Variants in ZNF268 observed in about 807,000 individuals in gnomAD.
ZNF268 encodes zinc finger protein 3.
Under a neutral mutation model 29.3 loss-of-function variants are expected in ZNF268, and 20 were observed. That is an observed-to-expected ratio of 0.68 (90% CI 0.48 to 0.99). ZNF268 has a LOEUF of 0.99. ZNF268 is among the 50% of genes least tolerant of loss of function. The pLI is 0.00. For synonymous variants in ZNF268, 429 were observed against 376.9 expected (o/e 1.14, Z -1.60); for missense variants, 1,240 against 1,121.6 (o/e 1.11, Z -1.51).
intron 5 of ZNF268, among the ~76,000 whole-genome samples, chr12:133,198,533 C>T (rs945017808): frequency 1.3e-5 from 2 of 151,848 alleles, no homozygotes; most frequent in African/African-American, 4.8e-5. Flanking sequence ...TTTTTGGTTC[C>T]ATATGAACTT....
Position 133,207,149 on chromosome 12 carries a change from A to G in ZNF268, c.*2619A>G, listed in dbSNP as rs1202795997. 6.6e-6 allele frequency: 1 copy of G among 152,190 alleles called. No individual in the cohort carries two copies. The highest frequency in any genetic ancestry group is 6.5e-5 in the Admixed American group (1 of 15,284). The allele number at this position is 152,190 out of a possible 1,614,324, so 9.4% of individuals were successfully genotyped here. On this transcript the variant is annotated 3_prime_UTR_variant, in exon 6 of 6. Coordinates refer to ENST00000536435, the MANE Select transcript of ZNF268 (RefSeq NM_003415.3). ...GTTTGTAAATCTATCTAGTCCTTCT[A>G]CCCCAGCCCCAGAAAAGAAAGACAT...
In ZNF268 at chr12:133,209,531, G is replaced by A. The variant is rs1956950074; in HGVS notation, c.*5001G>A. The A allele has an allele frequency of 6.6e-6, 1 of 152,026 alleles. No homozygotes were observed. 9.4% of individuals were successfully genotyped at this position (152,026 alleles called of 1,614,324 possible). A position where few individuals can be genotyped will look rare whatever the true frequency, so the allele number is the denominator to read the frequency against. ...TTTCAACTACTTGTTAGAAACACAG[G>A]CCATTAAAACATTAATAAAAAGGCT... On this transcript the variant is annotated 3_prime_UTR_variant, in exon 6 of 6. Coordinates refer to ENST00000536435, the MANE Select transcript of ZNF268 (RefSeq NM_003415.3).
At chr12:133,199,247 G>C (rs951798103) in intron 5 of ZNF268, among the ~76,000 whole-genome samples, 11 of 152,108 alleles carry the variant, frequency 7.2e-5, no homozygotes, top group African/African-American at 1.2e-4. Flanking sequence ...TAGCATGAAG[G>C]GTTGTTGAAT....
chr12:133,208,587 C>G lies in ZNF268; in HGVS notation c.*4057C>G, dbSNP rs1002787606. 2.0e-5 allele frequency: 3 copies of G among 152,142 alleles called. No individual in the cohort carries two copies. Among genetic ancestry groups the G allele is most frequent in the Non-Finnish European group, 4.4e-5 (3 of 68,060 alleles). The allele number at this position is 152,142 out of a possible 1,614,324, so 9.4% of individuals were successfully genotyped here. A position where few individuals can be genotyped will look rare whatever the true frequency, so the allele number is the denominator to read the frequency against. Reference sequence around the variant, plus strand: ...GGAGGTTAGCTTGAGTCCAGTAGTTCAAGGCTACAGTGAGCTATGATCATG... The same window carrying G: ...GGAGGTTAGCTTGAGTCCAGTAGTTGAAGGCTACAGTGAGCTATGATCATG... On this transcript the variant is annotated 3_prime_UTR_variant, in exon 6 of 6. Transcript: ENST00000536435.
chr12:133,202,514 T>G lies in ZNF268; in HGVS notation c.828T>G (p.Phe276Leu). The part of the protein sequence containing the change: ...CQQMYMGEKP[F>L]GCSCCEKAFS... ...AAATGTATATGGGCGAAAAACCCTTTGGATGCAGCTGTTGTGAGAAAGCCT... is the reference window on the plus strand; with the variant it reads ...AAATGTATATGGGCGAAAAACCCTTGGGATGCAGCTGTTGTGAGAAAGCCT... Residue 276 changes from phenylalanine to leucine, a missense_variant, in exon 6 of 6, where the codon TTT (phenylalanine) becomes TTG (leucine). Phe to Leu is a conservative substitution (Grantham distance 22). Coordinates refer to ENST00000536435, the MANE Select transcript of ZNF268 (RefSeq NM_003415.3). 6.2e-7 allele frequency: 1 copy of G among 1,612,334 alleles called. No homozygotes were observed. Among genetic ancestry groups the G allele is most frequent in the Non-Finnish European group, 8.5e-7 (1 of 1,179,154 alleles).
In ZNF268 at chr12:133,202,873, CT is replaced by C; in HGVS notation, c.1191del (p.Phe397LeufsTer3). On this transcript the variant is annotated frameshift_variant, in exon 6 of 6. Transcript: ENST00000536435. LOFTEE classifies it low-confidence loss of function (END_TRUNC). ...TATGTGTGTAATGAATGTGGGAAAGCTTTTGGTTTAAAATCACAGCTCATTA... is the reference window on the plus strand; with the variant it reads ...TATGTGTGTAATGAATGTGGGAAAGCTTTGGTTTAAAATCACAGCTCATTA... ...KPYVCNECGK[A>X]FGLKSQLIIH... The C allele has an allele frequency of 6.4e-7, 1 of 1,564,044 alleles. No individual in the cohort carries two copies.
chr12:133,203,095 A>G lies in ZNF268; in HGVS notation c.1409A>G (p.Lys470Arg). The change falls in exon 6 of 6, where the codon AAG becomes AGG. Residue 470 changes from lysine (K) to arginine (R), a missense_variant. Transcript: ENST00000536435. Reference protein sequence around the residue: ...IVHQGIHTGVKPYGCIQCGKG... With the variant: ...IVHQGIHTGVRPYGCIQCGKG... ...CATCAGGGGATTCACACAGGAGTAA[A>G]GCCCTATGGGTGTATTCAGTGTGGT... 6.5e-7 allele frequency: 1 copy of G among 1,537,614 alleles called. No homozygotes were observed. Among genetic ancestry groups the G allele is most frequent in the Non-Finnish European group, 8.7e-7 (1 of 1,146,876 alleles).
At chr12:133,192,569 T>C (rs1956501994) in intron 5 of ZNF268, among the ~76,000 whole-genome samples, 1 of 152,164 alleles carries the variant, frequency 6.6e-6, no homozygotes, top group African/African-American at 2.4e-5. Context: ...TTTTGAAAAT[T>C]ACATTTAAAT....
chr12:133,204,101 A>G lies in ZNF268; in HGVS notation c.2415A>G (p.Glu805=), dbSNP rs2135525441. Residue 805 remains glutamate (E), a synonymous_variant, in exon 6 of 6, where the codon GAA becomes GAG. Coordinates refer to ENST00000536435, the MANE Select transcript of ZNF268 (RefSeq NM_003415.3). ...TACACATGAGAACTCATTCAGGTGAAAAACCATATGAATGTAATGAATGTG... is the reference window on the plus strand; with the variant it reads ...TACACATGAGAACTCATTCAGGTGAGAAACCATATGAATGTAATGAATGTG... ...LIIHMRTHSG[E]KPYECNECGK... is the part of the protein sequence containing the mutation. 1 of 1,547,138 alleles carries G rather than the reference A, an allele frequency of 6.5e-7. No homozygotes were observed. The highest frequency in any genetic ancestry group is 8.7e-7 in the Non-Finnish European group (1 of 1,148,748).
Position 133,202,877 on chromosome 12 carries a change from T to C in ZNF268, c.1191T>C (p.Phe397=). 1.3e-6 allele frequency: 2 copies of C among 1,560,688 alleles called. No individual in the cohort carries two copies. The highest frequency in any genetic ancestry group is 2.3e-5 in the East Asian group (1 of 42,790). The change falls in exon 6 of 6, where the codon TTT becomes TTC. Residue 397 remains phenylalanine (F), a synonymous_variant. Coordinates refer to ENST00000536435, the MANE Select transcript of ZNF268 (RefSeq NM_003415.3). The stretch of plus-strand genomic sequence containing the variant: ...TGTGTAATGAATGTGGGAAAGCTTT[T>C]GGTTTAAAATCACAGCTCATTATAC... ...PYVCNECGKA[F]GLKSQLIIHE...
chr12:133,183,542 A>G (rs1336664309), intron 2 of ZNF268, among the ~76,000 whole-genome samples: 2 of 151,624 alleles, frequency 1.3e-5, no homozygotes, highest in African/African-American at 2.4e-5. Context: ...AGAAGAAATT[A>G]GATTTCATAA....
At position 133,211,000 on chromosome 12, in the gene ZNF268, GC is replaced by G. The variant is rs1205479446; in HGVS notation, c.*6472del. 2.2e-6 allele frequency: 1 copy of G among 455,944 alleles called. No homozygotes were observed. The highest frequency in any genetic ancestry group is 1.5e-5 in the South Asian group (1 of 64,556). 28.2% of individuals were successfully genotyped at this position (455,944 alleles called of 1,614,324 possible). On this transcript the variant is annotated 3_prime_UTR_variant, in exon 6 of 6. Coordinates refer to ENST00000536435, the MANE Select transcript of ZNF268 (RefSeq NM_003415.3). ...GAAATTCAATCTTACGATTTTCCATGCCATAATTTTGGAAAACGAAACTGAA... is the reference window on the plus strand; with the variant it reads ...GAAATTCAATCTTACGATTTTCCATGCATAATTTTGGAAAACGAAACTGAA...
At position 133,204,202 on chromosome 12, in the gene ZNF268, G is replaced by A. The variant is rs1170398316; in HGVS notation, c.2516G>A (p.Ser839Asn). ...THAGVNPYKC[S>N]QCEKSFSGKL... ...GCAGGGGTCAACCCTTATAAATGCA[G>A]TCAATGTGAGAAATCCTTCAGTGGG... Residue 839 changes from serine (S) to asparagine (N), a missense_variant, in exon 6 of 6, where the codon AGT becomes AAT. Ser to Asn is a conservative substitution (Grantham distance 46). Transcript: ENST00000536435. The A allele has an allele frequency of 1.9e-6, 3 of 1,540,542 alleles. No individual in the cohort carries two copies. Among genetic ancestry groups the A allele is most frequent in the Admixed American group, 2.0e-5 (1 of 51,002 alleles).
Position 133,206,940 on chromosome 12 carries a change from C to G in ZNF268, c.*2410C>G, listed in dbSNP as rs1956908964. ...AAGTTTATATTCAGTTTACTACTAC[C>G]TAGGGTTAGATTTTAGTTTGTTGTT... On this transcript the variant is annotated 3_prime_UTR_variant, in exon 6 of 6. Transcript: ENST00000536435. 6.6e-6 allele frequency: 1 copy of G among 152,164 alleles called. No individual in the cohort carries two copies. The highest frequency in any genetic ancestry group is 6.5e-5 in the Admixed American group (1 of 15,274). The allele number at this position is 152,164 out of a possible 1,614,324, so 9.4% of individuals were successfully genotyped here.
chr12:133,191,689 T>G (rs1370239025), intron 4 of ZNF268, 74 bp downstream of exon 4: 23 of 1,579,942 alleles, frequency 1.5e-5, no homozygotes, highest in Non-Finnish European at 1.8e-5. Flanking sequence ...ACTGGAGGGC[T>G]TCTATGAAAT....
Position 133,202,421 on chromosome 12 carries a change from A to C in ZNF268, c.735A>C (p.Gly245=). Residue 245 remains glycine, a synonymous_variant, in exon 6 of 6, where the codon GGA becomes GGC. Coordinates refer to ENST00000536435, the MANE Select transcript of ZNF268 (RefSeq NM_003415.3). Reference sequence around the variant, plus strand: ...CTAAACATGAGCAAACTGTTATTGGAATAAAATACTGTGAAAGTATTGAAT... The same window carrying C: ...CTAAACATGAGCAAACTGTTATTGGCATAAAATACTGTGAAAGTATTGAAT... ...FHSKHEQTVI[G]IKYCESIESG... The C allele has an allele frequency of 3.1e-6, 5 of 1,610,936 alleles. No individual in the cohort carries two copies. Among genetic ancestry groups the C allele is most frequent in the Non-Finnish European group, 3.4e-6 (4 of 1,178,288 alleles).
rs1452906826 is a variant in ZNF268 at position 133,213,206 on chromosome 12, G to A, written c.*8676G>A. On this transcript the variant is annotated 3_prime_UTR_variant, in exon 6 of 6. Transcript: ENST00000536435. Reference sequence around the variant, plus strand: ...AACATGTATGAAATGGTATCTCATTGTGGTTTTGATTTTCCTTTACCTAAT... The same window carrying A: ...AACATGTATGAAATGGTATCTCATTATGGTTTTGATTTTCCTTTACCTAAT... The A allele has an allele frequency of 9.2e-5, 14 of 152,118 alleles. No homozygotes were observed. Among genetic ancestry groups the A allele is most frequent in the Admixed American group, 9.2e-4 (14 of 15,264 alleles). The allele number at this position is 152,118 out of a possible 1,614,324, so 9.4% of individuals were successfully genotyped here.
At chr12:133,183,816 A>T (rs1317264122) in intron 2 of ZNF268, among the ~76,000 whole-genome samples, 1 of 152,204 alleles carries the variant, frequency 6.6e-6, no homozygotes. Flanking sequence ...ATGACAAGAG[A>T]AAGCAGGGGA....
rs997583486 is a variant in ZNF268, at chr12:133,207,998, A to G, written c.*3468A>G. 1 of 152,194 alleles carries G rather than the reference A, an allele frequency of 6.6e-6. No individual in the cohort carries two copies. The highest frequency in any genetic ancestry group is 2.4e-5 in the African/African-American group (1 of 41,438). 9.4% of individuals were successfully genotyped at this position (152,194 alleles called of 1,614,324 possible). A position where few individuals can be genotyped will look rare whatever the true frequency, so the allele number is the denominator to read the frequency against. ...ACTCCTGTAACTTGGTAGGGAATAT[A>G]TGTTCTGAAAACACAAATGTCATAC... is the stretch of plus-strand genomic sequence containing the variant. On this transcript the variant is annotated 3_prime_UTR_variant, in exon 6 of 6. Transcript: ENST00000536435.
Sources: allele counts gnomAD v4.1 joint callset (sites outside exome capture counted in the v4.1 genomes callset), GRCh38; gene constraint gnomAD v4.1.1; transcripts MANE v1.5; gene names NCBI Gene and HGNC (gene_info 2026-07-23, HGNC 2026-07-21).